Variants in TMTC1 observed in about 807,000 individuals in gnomAD.
TMTC1 encodes the protein protein O-mannosyl-transferase TMTC1.
In TMTC1, 73 loss-of-function variants were observed where a neutral mutation model predicts 104.8. That is an observed-to-expected ratio of 0.70 (90% confidence interval 0.58 to 0.85). The LOEUF is 0.85. TMTC1 is among the 40% of genes least tolerant of loss of function. The pLI is 0.00. For missense variants in TMTC1, 1,035 were observed against 1,096.1 expected (o/e 0.94, Z 0.79); for synonymous variants, 434 against 428.7 (o/e 1.01, Z -0.15).
chr12:29,588,227 A>C (rs969691662), intron 7 of TMTC1, among the ~76,000 whole-genome samples: 1 of 152,234 alleles, frequency 6.6e-6, no homozygotes, highest in Admixed American at 6.5e-5. Context: ...AGAGCCTTGC[A>C]CTTGTCAGAA....
Position 29,604,370 on chromosome 12 carries a change from C to T in TMTC1, c.1129-71G>A. ...CACTTCAGGCAGCATTTAACCATCTCCTTCACTTTCAGGTTCTCAATGAAG... is the reference window on the plus strand; with the variant it reads ...CACTTCAGGCAGCATTTAACCATCTTCTTCACTTTCAGGTTCTCAATGAAG... On this transcript the variant is annotated intron_variant, in intron 6 of 17. Coordinates refer to ENST00000539277, the MANE Select transcript of TMTC1 (RefSeq NM_001193451.2). The T allele has an allele frequency of 2.5e-6, 4 of 1,592,200 alleles. No individual in the cohort carries two copies. In the Admixed American group the frequency reaches 5.1e-5, roughly 20 times the overall value.
At chr12:29,661,627 C>T (rs1045810144) in intron 5 of TMTC1, among the ~76,000 whole-genome samples, 10 of 133,050 alleles carry the variant, frequency 7.5e-5, no homozygotes, top group Non-Finnish European at 1.5e-4. Flanking sequence ...GTACAGATGG[C>T]GTTTTGCCAT....
intron 5 of TMTC1, among the ~76,000 whole-genome samples, chr12:29,644,652 G>A (rs1171246744): frequency 6.6e-6 from 1 of 152,134 alleles, no homozygotes; most frequent in Non-Finnish European, 1.5e-5. Context: ...CCTTCCTCCT[G>A]GCTGCCCTGC....
chr12:29,762,099 A>AGCCC (rs1284650128), intron 2 of TMTC1, among the ~76,000 whole-genome samples: 1 of 152,158 alleles, frequency 6.6e-6, no homozygotes, highest in African/African-American at 2.4e-5. Context: ...GGATTGCTTG[A>AGCCC]GCCCAGGAGG....
intron 5 of TMTC1, among the ~76,000 whole-genome samples, chr12:29,705,924 T>C (rs750071520): frequency 7.2e-5 from 11 of 152,102 alleles, no homozygotes; most frequent in Non-Finnish European, 1.5e-4. Context: ...TTCCCAAGAA[T>C]GTCTGCTTCG....
chr12:29,660,104 G>C, intron 5 of TMTC1: 1 of 763,302 alleles, frequency 1.3e-6, no homozygotes, highest in South Asian at 1.8e-5. Flanking sequence ...ATCTGAGTTA[G>C]TCTTGTGGCT....
At chr12:29,536,092 A>G (rs765421891) in intron 11 of TMTC1, 117 bp downstream of exon 11, 16 of 713,478 alleles carry the variant, frequency 2.2e-5, no homozygotes, top group Non-Finnish European at 3.9e-5. Flanking sequence ...AAACTGACAT[A>G]GAGATTGGTT....
chr12:29,556,360 G>A (rs1945246246), intron 10 of TMTC1, among the ~76,000 whole-genome samples: 1 of 152,174 alleles, frequency 6.6e-6, no homozygotes, highest in Admixed American at 6.5e-5. Flanking sequence ...CTGGGTAGAA[G>A]TATGGTTAAC....
At chr12:29,651,665 C>A (rs1402346518) in intron 5 of TMTC1, among the ~76,000 whole-genome samples, 1 of 152,178 alleles carries the variant, frequency 6.6e-6, no homozygotes, top group Non-Finnish European at 1.5e-5. Context: ...AAAAATTAAA[C>A]CTTTTCATGT....
chr12:29,512,053 T>C lies in TMTC1; in HGVS notation c.2498A>G (p.Gln833Arg). The C allele has an allele frequency of 6.2e-7, 1 of 1,614,146 alleles. No individual in the cohort carries two copies. The highest frequency in any genetic ancestry group is 1.7e-5 in the Admixed American group (1 of 60,018). The change falls in exon 17 of 18, where the codon CAA (glutamine) becomes CGA (arginine). Residue 833 changes from glutamine to arginine, a missense_variant. Physicochemically the swap from Gln to Arg is conservative, Grantham distance 43. Transcript: ENST00000539277. The stretch of plus-strand genomic sequence containing the variant: ...GAATTATTCTCCTACCTTGATGTGT[T>C]GGATGCCACCCATGTTCATCCAGGC... ...AQAWMNMGGI[Q>R]HIKGKYVSAR... is the part of the protein sequence containing the mutation.
intron 5 of TMTC1, among the ~76,000 whole-genome samples, chr12:29,709,950 G>C (rs1455959335): frequency 6.6e-6 from 1 of 152,074 alleles, no homozygotes; most frequent in Non-Finnish European, 1.5e-5. Context: ...ACCATCATTT[G>C]AGAGAAAATA....
At chr12:29,726,794 T>C (rs1005888249) in intron 5 of TMTC1, among the ~76,000 whole-genome samples, 2 of 152,142 alleles carry the variant, frequency 1.3e-5, no homozygotes, top group Non-Finnish European at 2.9e-5. Flanking sequence ...ATACCATCAA[T>C]CTAGAGATTA....
At chr12:29,701,572 C>T (rs867237754) in intron 5 of TMTC1, among the ~76,000 whole-genome samples, 1 of 152,230 alleles carries the variant, frequency 6.6e-6, no homozygotes, top group Non-Finnish European at 1.5e-5. Context: ...TTCCCACCTC[C>T]TTTCACTCCT....
chr12:29,612,194 T>C (rs1946862910), intron 6 of TMTC1, among the ~76,000 whole-genome samples: 1 of 152,150 alleles, frequency 6.6e-6, no homozygotes, highest in East Asian at 1.9e-4. Flanking sequence ...ACGGCAGATA[T>C]GTCCCAGAAA....
At chr12:29,666,228 CT>C (rs751968439) in intron 5 of TMTC1, 21,487 of 350,676 alleles carry the variant, frequency 0.061, no homozygotes, top group Middle Eastern at 0.12. Context: ...TTTCTTTTTT[CT>C]TTTTTTTTTT....
At chr12:29,669,970 T>C (rs1940444140) in intron 5 of TMTC1, among the ~76,000 whole-genome samples, 1 of 152,192 alleles carries the variant, frequency 6.6e-6, no homozygotes, top group Non-Finnish European at 1.5e-5. Context: ...ATTCAATGCC[T>C]TTTTGCTGCA....
At chr12:29,767,521 A>G (rs1943493922) in intron 2 of TMTC1, among the ~76,000 whole-genome samples, 1 of 152,242 alleles carries the variant, frequency 6.6e-6, no homozygotes. Context: ...TGCTTAAAAC[A>G]CATTAGGACT....
intron 6 of TMTC1, among the ~76,000 whole-genome samples, chr12:29,627,811 T>C (rs1353832638): frequency 6.6e-6 from 1 of 152,188 alleles, no homozygotes; most frequent in Non-Finnish European, 1.5e-5. Context: ...TTACTTAAAT[T>C]ACTTGAATAT....
chr12:29,648,511 C>T (rs1939371708), intron 5 of TMTC1, among the ~76,000 whole-genome samples: 1 of 152,076 alleles, frequency 6.6e-6, no homozygotes, highest in African/African-American at 2.4e-5. Flanking sequence ...CTGAGCAAAA[C>T]ACAACACAGC....
Sources: allele counts gnomAD v4.1 joint callset (sites outside exome capture counted in the v4.1 genomes callset), GRCh38; gene constraint gnomAD v4.1.1; transcripts MANE v1.5; gene names NCBI Gene and HGNC (gene_info 2026-07-23, HGNC 2026-07-21).